HELZ: variants seen among roughly 807,000 people sequenced by gnomAD.
HELZ encodes the protein helicase with zinc finger.
A neutral mutation model predicts 218.2 loss-of-function variants in HELZ; 23 were observed. The observed-to-expected ratio is 0.11, with a 90% CI of 0.08 to 0.15. The LOEUF (loss-of-function observed/expected upper bound fraction) is 0.15. HELZ is among the 10% of genes least tolerant of loss of function. The pLI, the probability that HELZ is intolerant of heterozygous loss-of-function variation, is 1.00. For missense variants in HELZ, 1,813 were observed against 2,353.7 expected, an observed-to-expected ratio of 0.77 and a Z score of 4.75; for synonymous variants, 814 against 829.4, an observed-to-expected ratio of 0.98 and a Z score of 0.32.
At chr17:67,156,764 A>G (rs2038855014) in intron 17 of HELZ, among the ~76,000 whole-genome samples, 1 of 151,768 alleles carries the variant, frequency 6.6e-6, no homozygotes, top group South Asian at 2.1e-4. Flanking sequence ...TCCAGCCAAG[A>G]CCTCACCTCT....
intron 31 of HELZ, among the ~76,000 whole-genome samples, chr17:67,097,914 A>G (rs939777943): frequency 6.6e-6 from 1 of 152,248 alleles, no homozygotes; most frequent in Non-Finnish European, 1.5e-5. Flanking sequence ...TTATTCTTAA[A>G]GAATGTGGAG....
chr17:67,143,458 T>A (rs572951374), intron 21 of HELZ, among the ~76,000 whole-genome samples: 49 of 151,880 alleles, frequency 3.2e-4, no homozygotes, highest in South Asian at 8.3e-4. Context: ...ATACATTTTT[T>A]AAAAAAAATT....
intron 12 of HELZ, among the ~76,000 whole-genome samples, chr17:67,181,987 T>C (rs1215840202): frequency 1.5e-5 from 2 of 136,732 alleles, no homozygotes; most frequent in African/African-American, 4.9e-5. Flanking sequence ...GTGGGTCCCT[T>C]ATGGGGACAC....
chr17:67,187,700 T>C (rs1184048718), intron 12 of HELZ, among the ~76,000 whole-genome samples: 1 of 152,206 alleles, frequency 6.6e-6, no homozygotes, highest in African/African-American at 2.4e-5. Context: ...CTGTTGGATC[T>C]TGGCATAAAA....
rs188575293 is a variant in HELZ, at chr17:67,177,471, T to C, written c.1430+1188A>G. Among the ~76,000 whole-genome samples the C allele has an allele frequency of 2.0e-5, 3 of 152,152 alleles. No homozygotes were observed. The East Asian group carries it at 5.8e-4, about 29-fold the overall frequency. ...TATAATTTTTTCTGAATTCCTACTATGATACTCAAAAATAGTCTCCAGGAT... is the reference window on the plus strand; with the variant it reads ...TATAATTTTTTCTGAATTCCTACTACGATACTCAAAAATAGTCTCCAGGAT... On this transcript the variant is annotated intron_variant, in intron 13 of 32. Coordinates refer to ENST00000358691, the MANE Select transcript of HELZ (RefSeq NM_014877.4).
rs992058094 is a variant in HELZ, at chr17:67,136,132, G to A, written c.3020C>T (p.Thr1007Ile). 4.3e-6 allele frequency: 7 copies of A among 1,613,836 alleles called. 1 individual carries two copies. The Middle Eastern group carries it at 8.2e-4, about 190-fold the overall frequency. The change falls in exon 23 of 33, where the codon ACA becomes ATA. Residue 1007 changes from threonine (T) to isoleucine (I), a missense_variant. This residue lies in a region of HELZ where 156 missense variants were observed against 274.4 expected (regional missense o/e 0.57). Coordinates refer to ENST00000358691, the MANE Select transcript of HELZ (RefSeq NM_014877.4). ...RTRHTCKHKQ[T>I]PIKKKEQLLE... ...AAGTTGCTCTTTCTTTTTAATTGGTGTCTGTTTATGTTTACAAGTATGTCT... is the reference window on the plus strand; with the variant it reads ...AAGTTGCTCTTTCTTTTTAATTGGTATCTGTTTATGTTTACAAGTATGTCT...
intron 25 of HELZ, among the ~76,000 whole-genome samples, 169 bp from the exon 26 acceptor site, chr17:67,123,329 T>A (rs940059416): frequency 2.3e-4 from 35 of 151,838 alleles, no homozygotes; most frequent in East Asian, 1.2e-3. Flanking sequence ...AAAAAAAAAA[T>A]TTTTATAATG....
intron 3 of HELZ, chr17:67,224,490 C>G: frequency 3.7e-6 from 1 of 267,790 alleles, no homozygotes; most frequent in South Asian, 4.4e-5. Flanking sequence ...GCAGTTGGAA[C>G]CAAGACAGTC....
chr17:67,078,538 T>C lies in HELZ; in HGVS notation c.5543A>G (p.Asn1848Ser), dbSNP rs1243936770. The change falls in exon 33 of 33, where the codon AAC (asparagine) becomes AGC (serine). Residue 1848 changes from asparagine to serine, a missense_variant. By Grantham distance (46) the Asn-to-Ser change is conservative. This residue lies in a region of HELZ where 938 missense variants were observed against 1,027.5 expected (regional missense o/e 0.91). Transcript: ENST00000358691. The part of the protein sequence containing the change: ...KPPEDQLKSE[N>S]LEVSSSFNYS... ...GTTGAAGGAACTGGACACCTCGAGG[T>C]TCTCCGACTTCAGTTGATCCTCAGG... 2 of 1,498,082 alleles carry C rather than the reference T, an allele frequency of 1.3e-6. No individual in the cohort carries two copies. The highest frequency in any genetic ancestry group is 4.8e-5 in the Admixed American group (2 of 41,338). 92.8% of individuals were successfully genotyped at this position (1,498,082 alleles called of 1,614,324 possible).
chr17:67,231,518 G>A (rs1335086093), intron 3 of HELZ, among the ~76,000 whole-genome samples: 2 of 151,302 alleles, frequency 1.3e-5, no homozygotes, highest in African/African-American at 4.9e-5. Context: ...GCGTGAACCC[G>A]GGAGGCGGAG....
In HELZ at chr17:67,166,561, G is replaced by C. The variant is rs1354381244; in HGVS notation, c.1812C>G (p.His604Gln). 1.2e-6 allele frequency: 2 copies of C among 1,612,652 alleles called. No homozygotes were observed. The highest frequency in any genetic ancestry group is 1.7e-6 in the Non-Finnish European group (2 of 1,178,750). Reference sequence around the variant, plus strand: ...TGTCCTTGATCCTGTCTAGTGCATAGTGCATTTCACAGAGGGGTAATCGAT... The same window carrying C: ...TGTCCTTGATCCTGTCTAGTGCATACTGCATTTCACAGAGGGGTAATCGAT... ...QLNRLPLCEM[H>Q]YALDRIKDNG... The change falls in exon 15 of 33, where the codon CAC (histidine) becomes CAG (glutamine). Residue 604 changes from histidine (H) to glutamine (Q), a missense_variant. Coordinates refer to ENST00000358691, the MANE Select transcript of HELZ (RefSeq NM_014877.4).
At chr17:67,149,087 T>C (rs916733142) in intron 19 of HELZ, among the ~76,000 whole-genome samples, 1 of 152,228 alleles carries the variant, frequency 6.6e-6, no homozygotes, top group Admixed American at 6.5e-5. Context: ...AATGATGAGC[T>C]GGTAGGACAT....
At chr17:67,198,571 C>T (rs145435712) in intron 7 of HELZ, among the ~76,000 whole-genome samples, 31 of 152,288 alleles carry the variant, frequency 2.0e-4, no homozygotes, top group African/African-American at 6.7e-4. Context: ...GATTACACTG[C>T]TAGAACTATA....
intron 31 of HELZ, among the ~76,000 whole-genome samples, chr17:67,101,483 T>C (rs775124162): frequency 2.0e-5 from 3 of 152,076 alleles, no homozygotes; most frequent in Non-Finnish European, 2.9e-5. Context: ...CAGAAACTTA[T>C]AGATGAAGAA....
At chr17:67,195,683 G>A (rs2040004300) in intron 7 of HELZ, among the ~76,000 whole-genome samples, 1 of 152,016 alleles carries the variant, frequency 6.6e-6, no homozygotes, top group African/African-American at 2.4e-5. Context: ...TAAGGAAGCT[G>A]ATAGAGGCCT....
chr17:67,189,596 G>T lies in HELZ; in HGVS notation c.857C>A (p.Thr286Asn). 2 of 1,606,126 alleles carry T rather than the reference G, an allele frequency of 1.2e-6. No individual in the cohort carries two copies. The highest frequency in any genetic ancestry group is 1.7e-6 in the Non-Finnish European group (2 of 1,172,878). ...KSHQTWTFAL[T>N]CKPARMLYRV... ...CTAGCACAAAATTCATACCTTACAA[G>T]TGAGAGCAAAGGTCCATGTCTGGTG... Residue 286 changes from threonine (T) to asparagine (N), a missense_variant, in exon 11 of 33, where the codon ACT (threonine) becomes AAT (asparagine). Around this residue, in one of 4 missense-constraint regions of HELZ, gnomAD observed 714 missense variants for 1,029.2 expected, o/e 0.69. Transcript: ENST00000358691.
At chr17:67,092,732 G>A (rs545297337) in intron 31 of HELZ, among the ~76,000 whole-genome samples, 12 of 152,280 alleles carry the variant, frequency 7.9e-5, no homozygotes, top group South Asian at 6.2e-4. Context: ...TTGGGAGGCC[G>A]AGGTGGGTGG....
intron 12 of HELZ, among the ~76,000 whole-genome samples, chr17:67,181,991 G>A (rs2039624699): frequency 7.3e-6 from 1 of 136,166 alleles, no homozygotes; most frequent in Non-Finnish European, 1.6e-5. Context: ...GTCCCTTATG[G>A]GGACACTGGG....
At chr17:67,243,510 C>A (rs1598495977) in intron 2 of HELZ, among the ~76,000 whole-genome samples, 1 of 152,058 alleles carries the variant, frequency 6.6e-6, no homozygotes, top group Non-Finnish European at 1.5e-5. Flanking sequence ...TATAATTATC[C>A]CTGGTGAAGA....
Sources: allele counts gnomAD v4.1 joint callset (sites outside exome capture counted in the v4.1 genomes callset), GRCh38; gene constraint gnomAD v4.1.1; regional missense constraint gnomAD v4.1.1; transcripts MANE v1.5; gene names NCBI Gene and HGNC (gene_info 2026-07-23, HGNC 2026-07-21).